MAP3K5: variants seen among roughly 807,000 people sequenced by gnomAD.
The protein encoded by MAP3K5 is ASK-1.
A neutral mutation model predicts 158.7 loss-of-function variants in MAP3K5; 56 were observed. The ratio of observed to expected loss-of-function variants is 0.35; its 90% CI spans 0.28 to 0.44. The LOEUF (loss-of-function observed/expected upper bound fraction) is 0.44. Among genes scored for constraint, MAP3K5 ranks in the 20% least tolerant of loss-of-function variants. The probability of loss-of-function intolerance (pLI) is 1.00; values close to 1 mark genes in which losing one functional copy is unlikely to be tolerated. For synonymous variants in MAP3K5, 579 were observed against 601.7 expected (o/e 0.96, Z 0.55); for missense variants, 1,294 against 1,674.8 (o/e 0.77, Z 3.97).
chr6:136,596,603 C>T (rs1775643732), intron 21 of MAP3K5, among the ~76,000 whole-genome samples: 1 of 152,160 alleles, frequency 6.6e-6, no homozygotes, highest in Non-Finnish European at 1.5e-5. Context: ...CTGGGAGAGG[C>T]AGAAGCTGGA....
chr6:136,761,072 T>A (rs928116837), intron 1 of MAP3K5, among the ~76,000 whole-genome samples: 2 of 152,166 alleles, frequency 1.3e-5, no homozygotes, highest in African/African-American at 4.8e-5. Flanking sequence ...CAGCTATTTA[T>A]GAGGAAGTGG....
At chr6:136,596,799 G>A (rs1775651805) in intron 21 of MAP3K5, among the ~76,000 whole-genome samples, 1 of 152,242 alleles carries the variant, frequency 6.6e-6, no homozygotes, top group Non-Finnish European at 1.5e-5. Context: ...ACCTTCTTAA[G>A]TTATGACGAT....
intron 1 of MAP3K5, among the ~76,000 whole-genome samples, chr6:136,768,630 G>C (rs1427515079): frequency 6.6e-6 from 1 of 152,180 alleles, no homozygotes; most frequent in Non-Finnish European, 1.5e-5. Flanking sequence ...AAATGGCTTG[G>C]TGGCCAGGCA....
Position 136,709,865 on chromosome 6 carries a change from G to A in MAP3K5, c.589-4732C>T, listed in dbSNP as rs573139035. Among the ~76,000 whole-genome samples the A allele has an allele frequency of 9.2e-4, 140 of 152,226 alleles. 1 individual carries two copies. Among genetic ancestry groups the A allele is most frequent in the Non-Finnish European group, 1.6e-3 (112 of 67,994 alleles). On this transcript the variant is annotated intron_variant, in intron 2 of 29. Coordinates refer to ENST00000359015, the MANE Select transcript of MAP3K5 (RefSeq NM_005923.4). ...GAGGGTTGCTTGAGGCCAGGAGTTC[G>A]AGGCCACAGTGAGCTATGATCGCAC...
At chr6:136,592,072 G>T (rs1284014341) in intron 23 of MAP3K5, 101 bp downstream of exon 23, 2 of 1,089,274 alleles carry the variant, frequency 1.8e-6, no homozygotes, top group East Asian at 2.4e-5. Context: ...ATCACTACAG[G>T]TTCCTCTTGC....
At chr6:136,693,692 A>G (rs1242062254) in intron 7 of MAP3K5, among the ~76,000 whole-genome samples, 1 of 152,162 alleles carries the variant, frequency 6.6e-6, no homozygotes, top group Middle Eastern at 3.2e-3. Flanking sequence ...ATTATTTACT[A>G]AAGTTATAAA....
chr6:136,737,789 T>G (rs1219437420), intron 1 of MAP3K5, among the ~76,000 whole-genome samples: 1 of 152,196 alleles, frequency 6.6e-6, no homozygotes, highest in Non-Finnish European at 1.5e-5. Context: ...GCTGGACATG[T>G]GAGCAGCAGA....
At chr6:136,750,061 T>C (rs889082616) in intron 1 of MAP3K5, among the ~76,000 whole-genome samples, 7 of 152,156 alleles carry the variant, frequency 4.6e-5, no homozygotes, top group Admixed American at 1.3e-4. Context: ...CCACACCCCA[T>C]TGGCCTTCTG....
At chr6:136,755,689 C>CAAA (rs772339028) in intron 1 of MAP3K5, among the ~76,000 whole-genome samples, 1 of 48,230 alleles carries the variant, frequency 2.1e-5, no homozygotes, top group African/African-American at 5.1e-5. Context: ...ACTCTGTCTC[C>CAAA]AAAAAAAAAA....
At chr6:136,680,485 C>G (rs574011988) in intron 7 of MAP3K5, among the ~76,000 whole-genome samples, 1 of 152,222 alleles carries the variant, frequency 6.6e-6, no homozygotes, top group African/African-American at 2.4e-5. Context: ...TCATGAACAC[C>G]ATTGCAGATC....
chr6:136,757,245 G>A (rs905582175), intron 1 of MAP3K5, among the ~76,000 whole-genome samples: 3 of 152,118 alleles, frequency 2.0e-5, no homozygotes, highest in Non-Finnish European at 2.9e-5. Context: ...CCTACCTCTA[G>A]GACTTTTCAA....
chr6:136,696,341 T>C (rs1780599576), intron 5 of MAP3K5, among the ~76,000 whole-genome samples: 1 of 152,202 alleles, frequency 6.6e-6, no homozygotes, highest in Non-Finnish European at 1.5e-5. Context: ...TGCTCTACTG[T>C]CTAAATATGG....
intron 14 of MAP3K5, among the ~76,000 whole-genome samples, chr6:136,630,860 T>C (rs780917524): frequency 3.7e-4 from 56 of 152,242 alleles, no homozygotes; most frequent in Non-Finnish European, 7.6e-4. Flanking sequence ...CTAGGCATGG[T>C]GGCTCACATC....
At chr6:136,686,860 A>C (rs1285387350) in intron 7 of MAP3K5, among the ~76,000 whole-genome samples, 1 of 152,226 alleles carries the variant, frequency 6.6e-6, no homozygotes, top group Admixed American at 6.5e-5. Flanking sequence ...AAAGTAATTT[A>C]TAGATTCAAT....
intron 25 of MAP3K5, among the ~76,000 whole-genome samples, chr6:136,579,476 T>C (rs1774771846): frequency 6.6e-6 from 1 of 152,192 alleles, no homozygotes; most frequent in Non-Finnish European, 1.5e-5. Flanking sequence ...GAGAGCTGTA[T>C]TAAAATCAAG....
At chr6:136,715,131 T>C (rs143560683) in intron 2 of MAP3K5, among the ~76,000 whole-genome samples, 1 of 152,326 alleles carries the variant, frequency 6.6e-6, no homozygotes, top group East Asian at 1.9e-4. Flanking sequence ...CACTAACTGA[T>C]GTGCCTACCA....
chr6:136,758,116 A>G (rs1783588440), intron 1 of MAP3K5, among the ~76,000 whole-genome samples: 1 of 152,226 alleles, frequency 6.6e-6, no homozygotes, highest in Admixed American at 6.5e-5. Context: ...GTAATTTAGG[A>G]ACAAATGCTA....
At chr6:136,789,663 C>G (rs777852292) in intron 1 of MAP3K5, among the ~76,000 whole-genome samples, 17 of 143,674 alleles carry the variant, frequency 1.2e-4, no homozygotes, top group Non-Finnish European at 2.3e-4. Flanking sequence ...AAGCAAGGGC[C>G]AAGCACAACC....
intron 28 of MAP3K5, among the ~76,000 whole-genome samples, chr6:136,560,676 G>C (rs2129067779): frequency 6.6e-6 from 1 of 152,090 alleles, no homozygotes; most frequent in East Asian, 1.9e-4. Context: ...GGCCTGGCGT[G>C]GTGGTTCATG....
Sources: gnomAD v4.1 joint callset for allele counts (sites outside exome capture counted in the v4.1 genomes callset) on GRCh38, gnomAD v4.1.1 for gene constraint, MANE v1.5 for transcripts, NCBI Gene and HGNC (gene_info 2026-07-23, HGNC 2026-07-21) for gene names.